BMP5: variants seen among roughly 807,000 people sequenced by gnomAD.
BMP5 encodes bone morphogenetic protein 5.
BMP5 carries 23 observed loss-of-function variants against 46.6 expected under a neutral mutation model. The observed-to-expected ratio is 0.49, with a 90% CI of 0.35 to 0.70. BMP5 has a LOEUF of 0.70. Ranked by LOEUF, BMP5 falls within the 30% of genes least tolerant of loss-of-function variation. The pLI, the probability that BMP5 is intolerant of heterozygous loss-of-function variation, is 0.00. For synonymous variants in BMP5, 204 were observed against 191.9 expected (o/e 1.06, Z -0.52); for missense variants, 545 against 565.6 (o/e 0.96, Z 0.37).
At chr6:55,851,080 G>A (rs551556757) in intron 1 of BMP5, among the ~76,000 whole-genome samples, 29 of 150,688 alleles carry the variant, frequency 1.9e-4, no homozygotes, top group African/African-American at 6.3e-4. Context: ...AGAGCATAGT[G>A]GCACAAAATA....
In BMP5 at chr6:55,773,174, T is replaced by A. The variant is rs148063154; in HGVS notation, c.1027+875A>T. Among the ~76,000 whole-genome samples, 93 of 152,102 alleles carry A rather than the reference T, an allele frequency of 6.1e-4. No individual in the cohort carries two copies. In the East Asian group the frequency reaches 0.016, roughly 27 times the overall value. On this transcript the variant is annotated intron_variant, in intron 4 of 6. Coordinates refer to ENST00000370830, the MANE Select transcript of BMP5 (RefSeq NM_021073.4). The stretch of plus-strand genomic sequence containing the variant: ...AGTGCTATGCATAAATTGGCCATTA[T>A]CACAGAAGAATGCATATTTGACAAA...
At chr6:55,819,523 A>T in intron 2 of BMP5, 132 bp downstream of exon 2, 2 of 753,070 alleles carry the variant, frequency 2.7e-6, no homozygotes, top group Non-Finnish European at 4.4e-6. Context: ...CAATATCTCT[A>T]CCTGGCTCTA....
intron 1 of BMP5, among the ~76,000 whole-genome samples, chr6:55,823,765 C>T (rs976150837): frequency 8.6e-5 from 13 of 151,938 alleles, no homozygotes; most frequent in Non-Finnish European, 1.2e-4. Context: ...ATAATAAAGA[C>T]ATGCCATTCT....
chr6:55,851,234 C>T (rs1021664279), intron 1 of BMP5, among the ~76,000 whole-genome samples: 2 of 151,400 alleles, frequency 1.3e-5, no homozygotes, highest in African/African-American at 4.9e-5. Context: ...AGCAGCTAGA[C>T]AGGTCTCTGT....
intron 1 of BMP5, among the ~76,000 whole-genome samples, chr6:55,861,146 G>T (rs191740616): frequency 6.6e-6 from 1 of 152,290 alleles, no homozygotes; most frequent in African/African-American, 2.4e-5. Context: ...GTTTCTAGCT[G>T]CAGCAAGCAG....
chr6:55,843,479 A>T (rs1362486708), intron 1 of BMP5, among the ~76,000 whole-genome samples: 1 of 152,028 alleles, frequency 6.6e-6, no homozygotes, highest in African/African-American at 2.4e-5. Context: ...CCTCCAATTC[A>T]TAGTTATGTT....
chr6:55,810,337 C>A (rs1040086611), intron 2 of BMP5, among the ~76,000 whole-genome samples: 5 of 151,968 alleles, frequency 3.3e-5, no homozygotes, highest in Non-Finnish European at 7.4e-5. Context: ...AAAAGCATGG[C>A]AGAAATGAAA....
At chr6:55,846,326 A>G (rs554728001) in intron 1 of BMP5, among the ~76,000 whole-genome samples, 1 of 152,044 alleles carries the variant, frequency 6.6e-6, no homozygotes, top group South Asian at 2.1e-4. Context: ...TGATTTGATA[A>G]TTTTCATTTG....
chr6:55,871,190 C>T (rs932034856), intron 1 of BMP5, among the ~76,000 whole-genome samples: 2 of 149,498 alleles, frequency 1.3e-5, no homozygotes, highest in East Asian at 3.9e-4. Context: ...TATACTAACA[C>T]TTAGCACTTT....
chr6:55,852,378 C>T lies in BMP5; in HGVS notation c.490+21998G>A, dbSNP rs1582120207. Reference sequence around the variant, plus strand: ...AATAGAAAGACAATATTTCATCTCTCTTTTCTCATTCAGAAAATTGTGTCA... The same window carrying T: ...AATAGAAAGACAATATTTCATCTCTTTTTTCTCATTCAGAAAATTGTGTCA... On this transcript the variant is annotated intron_variant, in intron 1 of 6. Coordinates refer to ENST00000370830, the MANE Select transcript of BMP5 (RefSeq NM_021073.4). Among the ~76,000 whole-genome samples, 4 of 152,098 alleles carry T rather than the reference C, an allele frequency of 2.6e-5. No individual in the cohort carries two copies. The East Asian group carries it at 7.7e-4, about 29-fold the overall frequency.
chr6:55,872,534 A>C (rs191973008), intron 1 of BMP5, among the ~76,000 whole-genome samples: 1 of 151,692 alleles, frequency 6.6e-6, no homozygotes, highest in South Asian at 2.1e-4. Flanking sequence ...ATAATAAAAA[A>C]GTTATAGGAA....
At chr6:55,809,943 G>C (rs747077666) in intron 2 of BMP5, among the ~76,000 whole-genome samples, 3 of 151,642 alleles carry the variant, frequency 2.0e-5, no homozygotes, top group Non-Finnish European at 4.4e-5. Flanking sequence ...TTTTTTCCTT[G>C]AATAGCTTAT....
chr6:55,861,741 G>A (rs1483477126), intron 1 of BMP5, among the ~76,000 whole-genome samples: 1 of 152,114 alleles, frequency 6.6e-6, no homozygotes, highest in Non-Finnish European at 1.5e-5. Context: ...TTCATTTTAT[G>A]CCATTTTATG....
At chr6:55,842,185 C>T (rs1050069672) in intron 1 of BMP5, among the ~76,000 whole-genome samples, 2 of 152,120 alleles carry the variant, frequency 1.3e-5, no homozygotes, top group Non-Finnish European at 2.9e-5. Flanking sequence ...CTCTTAGTCC[C>T]GTCAAAATTC....
chr6:55,788,086 T>C (rs1775491148), intron 3 of BMP5, among the ~76,000 whole-genome samples: 1 of 151,664 alleles, frequency 6.6e-6, no homozygotes, highest in Non-Finnish European at 1.5e-5. Flanking sequence ...AAGAATCCAT[T>C]CTACTGTTTA....
At chr6:55,866,311 C>T (rs909211003) in intron 1 of BMP5, among the ~76,000 whole-genome samples, 1 of 152,172 alleles carries the variant, frequency 6.6e-6, no homozygotes, top group African/African-American at 2.4e-5. Flanking sequence ...AAATAGCTGA[C>T]ATACCTGCTC....
chr6:55,779,336 C>T (rs557494589), intron 3 of BMP5, among the ~76,000 whole-genome samples: 2 of 152,074 alleles, frequency 1.3e-5, no homozygotes, highest in East Asian at 3.9e-4. Context: ...AACTTGTGCA[C>T]AAATTATCTT....
At chr6:55,819,356 T>C (rs1776353709) in intron 2 of BMP5, among the ~76,000 whole-genome samples, 1 of 152,154 alleles carries the variant, frequency 6.6e-6, no homozygotes, top group Admixed American at 6.5e-5. Flanking sequence ...AAAGTGGAAG[T>C]TTTCTGGGAT....
Position 55,769,800 on chromosome 6 carries a change from A to C in BMP5, c.1027+4249T>G, listed in dbSNP as rs555122358. 2.6e-5 allele frequency among the ~76,000 whole-genome samples: 4 copies of C among 152,052 alleles called. No individual in the cohort carries two copies. The East Asian group carries it at 7.8e-4, about 29-fold the overall frequency. ...GCAGCAGAATGGATGTTGTGCTAGCAAGCATGATAAAAACAATTAGTCTAC... is the reference window on the plus strand; with the variant it reads ...GCAGCAGAATGGATGTTGTGCTAGCCAGCATGATAAAAACAATTAGTCTAC... On this transcript the variant is annotated intron_variant, in intron 4 of 6. Coordinates refer to ENST00000370830, the MANE Select transcript of BMP5 (RefSeq NM_021073.4).
Sources: gnomAD v4.1 joint callset for allele counts (sites outside exome capture counted in the v4.1 genomes callset) on GRCh38, gnomAD v4.1.1 for gene constraint, MANE v1.5 for transcripts, NCBI Gene and HGNC (gene_info 2026-07-23, HGNC 2026-07-21) for gene names.